Variants in HS3ST5 observed in about 807,000 individuals in gnomAD.
HS3ST5 encodes heparan sulfate glucosamine 3-O-sulfotransferase 5.
In HS3ST5, 10 loss-of-function variants were observed where a neutral mutation model predicts 25.4. The observed-to-expected ratio is 0.39, with a 90% CI of 0.24 to 0.67. HS3ST5 has a LOEUF of 0.67. Among genes scored for constraint, HS3ST5 ranks in the 30% least tolerant of loss-of-function variants. The pLI is 0.44. For synonymous variants in HS3ST5, 170 were observed against 162.4 expected (o/e 1.05, Z -0.36); for missense variants, 324 against 420.7 (o/e 0.77, Z 2.01).
At chr6:114,114,108 A>T (rs1160207685) in intron 3 of HS3ST5, among the ~76,000 whole-genome samples, 1 of 152,128 alleles carries the variant, frequency 6.6e-6, no homozygotes, top group Non-Finnish European at 1.5e-5. Flanking sequence ...TTACACATGC[A>T]TTGCTTTGGT....
chr6:114,099,160 A>G (rs1775599635), intron 3 of HS3ST5, among the ~76,000 whole-genome samples: 1 of 152,148 alleles, frequency 6.6e-6, no homozygotes, highest in Admixed American at 6.6e-5. Context: ...TAGCCACCTT[A>G]GGAATACACT....
At chr6:114,293,066 G>A (rs1774653027) in intron 1 of HS3ST5, among the ~76,000 whole-genome samples, 1 of 152,094 alleles carries the variant, frequency 6.6e-6, no homozygotes, top group South Asian at 2.1e-4. Context: ...GTAGAGAGGT[G>A]CACCGTGCAC....
At chr6:114,314,080 C>G (rs982068670) in intron 1 of HS3ST5, among the ~76,000 whole-genome samples, 16 of 152,168 alleles carry the variant, frequency 1.1e-4, no homozygotes, top group African/African-American at 3.1e-4. Context: ...CATGCCCCAC[C>G]ACGCCTGGCT....
Position 114,342,270 on chromosome 6 carries a change from C to A in HS3ST5, c.-414G>T, listed in dbSNP as rs975718483. ...CGGCGGCGGGTCGCGTGGGGGTCACCCGGCCGCTGCTGCGGTCCGGACGGC... is the reference window on the plus strand; with the variant it reads ...CGGCGGCGGGTCGCGTGGGGGTCACACGGCCGCTGCTGCGGTCCGGACGGC... On this transcript the variant is annotated 5_prime_UTR_variant, in exon 1 of 5. Coordinates refer to ENST00000312719, the MANE Select transcript of HS3ST5 (RefSeq NM_153612.4). 7 of 152,526 alleles carry A rather than the reference C, an allele frequency of 4.6e-5. No individual in the cohort carries two copies. The highest frequency in any genetic ancestry group is 8.8e-5 in the Non-Finnish European group (6 of 68,116). 9.4% of individuals were successfully genotyped at this position (152,526 alleles called of 1,614,324 possible). A position where few individuals can be genotyped will look rare whatever the true frequency, so the allele number is the denominator to read the frequency against.
intron 1 of HS3ST5, among the ~76,000 whole-genome samples, chr6:114,233,035 T>A (rs1176417996): frequency 6.6e-6 from 1 of 150,978 alleles, no homozygotes; most frequent in Non-Finnish European, 1.5e-5. Flanking sequence ...CTCTCTAGCC[T>A]CATCTCCCTA....
At chr6:114,302,090 T>C (rs968456974) in intron 1 of HS3ST5, among the ~76,000 whole-genome samples, 3 of 152,202 alleles carry the variant, frequency 2.0e-5, no homozygotes, top group Non-Finnish European at 2.9e-5. Context: ...CAGAAAGGTA[T>C]TGAATGTATT....
chr6:114,315,553 A>G (rs6919912), intron 1 of HS3ST5, among the ~76,000 whole-genome samples: 6 of 152,208 alleles, frequency 3.9e-5, no homozygotes, highest in Admixed American at 2.0e-4. Context: ...AATAGCACAC[A>G]TATTTTATTA....
intron 1 of HS3ST5, among the ~76,000 whole-genome samples, chr6:114,242,538 A>G (rs1273013645): frequency 6.6e-6 from 1 of 152,198 alleles, no homozygotes; most frequent in African/African-American, 2.4e-5. Flanking sequence ...TGATGTCTTC[A>G]ATTCTTTACC....
chr6:114,202,173 CACTTTGAGAGGTTGAGGAGCAGGGTTG>C (rs1781050663), intron 2 of HS3ST5, among the ~76,000 whole-genome samples: 1 of 152,096 alleles, frequency 6.6e-6, no homozygotes, highest in East Asian at 1.9e-4. Context: ...GTAATCCTAG[CACTTTGAGAGGTTGAGGAGCAGGGTTG>C]CTTGAGACCA....
chr6:114,299,040 G>A (rs540536382), intron 1 of HS3ST5, among the ~76,000 whole-genome samples: 12 of 152,336 alleles, frequency 7.9e-5, no homozygotes, highest in Admixed American at 3.9e-4. Flanking sequence ...CTGGTGAGCC[G>A]GGCGGAACAG....
intron 1 of HS3ST5, among the ~76,000 whole-genome samples, chr6:114,341,702 C>G (rs1249973990): frequency 2.0e-5 from 3 of 151,960 alleles, no homozygotes; most frequent in Non-Finnish European, 4.4e-5. Flanking sequence ...GTTAACTTAG[C>G]CTTTGCCTGT....
intron 3 of HS3ST5, among the ~76,000 whole-genome samples, chr6:114,098,389 A>T (rs1313206014): frequency 6.6e-6 from 1 of 151,124 alleles, no homozygotes; most frequent in Non-Finnish European, 1.5e-5. Flanking sequence ...GAAACAAAAC[A>T]TATAACAAAT....
Position 114,305,937 on chromosome 6 carries a change from C to T in HS3ST5, c.-339+36258G>A, listed in dbSNP as rs190550687. 2.6e-5 allele frequency among the ~76,000 whole-genome samples: 4 copies of T among 152,148 alleles called. No individual in the cohort carries two copies. In the East Asian group the frequency reaches 7.7e-4, roughly 29 times the overall value. ...TGAGAAGCAGGATTGACATAATACA[C>T]TGGACTACATAATGTTGAACTGAGA... On this transcript the variant is annotated intron_variant, in intron 1 of 4. Transcript: ENST00000312719.
At chr6:114,130,655 C>T (rs577873143) in intron 3 of HS3ST5, among the ~76,000 whole-genome samples, 10 of 152,218 alleles carry the variant, frequency 6.6e-5, no homozygotes, top group African/African-American at 1.7e-4. Context: ...CTGCAAGCTC[C>T]GCCTCCTGGG....
intron 1 of HS3ST5, among the ~76,000 whole-genome samples, chr6:114,255,584 T>C (rs911148379): frequency 3.9e-5 from 6 of 152,152 alleles, no homozygotes; most frequent in African/African-American, 1.4e-4. Context: ...GCCCACCCCC[T>C]ACCTGCAGCA....
At chr6:114,283,365 T>A (rs190785320) in intron 1 of HS3ST5, among the ~76,000 whole-genome samples, 1 of 152,110 alleles carries the variant, frequency 6.6e-6, no homozygotes, top group Admixed American at 6.6e-5. Flanking sequence ...TTGTCATTAA[T>A]AACCTGTAAG....
chr6:114,176,605 C>G (rs1438694186), intron 2 of HS3ST5, among the ~76,000 whole-genome samples: 1 of 152,102 alleles, frequency 6.6e-6, no homozygotes, highest in Non-Finnish European at 1.5e-5. Context: ...CAACTCAACT[C>G]CATGGGGTTG....
At chr6:114,242,535 T>C (rs6568833) in intron 1 of HS3ST5, among the ~76,000 whole-genome samples, 140,533 of 152,238 alleles carry the variant, frequency 0.92, 64,973 homozygotes, top group Admixed American at 0.95. Flanking sequence ...TATTGATGTC[T>C]TCAATTCTTT....
At chr6:114,096,985 A>G (rs2114809661) in intron 3 of HS3ST5, among the ~76,000 whole-genome samples, 1 of 152,242 alleles carries the variant, frequency 6.6e-6, no homozygotes, top group East Asian at 1.9e-4. Flanking sequence ...TGCACCTGAT[A>G]AAGAAAGGAA....
Sources: gnomAD v4.1 joint callset for allele counts (sites outside exome capture counted in the v4.1 genomes callset) on GRCh38, gnomAD v4.1.1 for gene constraint, MANE v1.5 for transcripts, NCBI Gene and HGNC (gene_info 2026-07-23, HGNC 2026-07-21) for gene names.